Variants in ABCC9 observed in about 807,000 individuals in gnomAD.
ABCC9 encodes ATP binding cassette subfamily C member 9.
In ABCC9, 95 loss-of-function variants were observed where a neutral mutation model predicts 188.3. The ratio of observed to expected loss-of-function variants is 0.50; its 90% confidence interval spans 0.43 to 0.60. ABCC9 has a LOEUF of 0.60. ABCC9 is among the 20% of genes least tolerant of loss of function. The probability of loss-of-function intolerance (pLI) is 0.00; values close to 1 mark genes in which losing one functional copy is unlikely to be tolerated. For synonymous variants in ABCC9, 659 were observed against 652.7 expected (o/e 1.01, Z -0.15); for missense variants, 1,102 against 1,876.3 (o/e 0.59, Z 7.62).
At chr12:21,898,692 A>G (rs1163027277) in intron 12 of ABCC9, among the ~76,000 whole-genome samples, 2 of 152,208 alleles carry the variant, frequency 1.3e-5, no homozygotes, top group African/African-American at 4.8e-5. Context: ...CTGACACATA[A>G]ATCAAATCAA....
chr12:21,859,224 C>G (rs1040936347), intron 22 of ABCC9, among the ~76,000 whole-genome samples: 2 of 152,152 alleles, frequency 1.3e-5, no homozygotes, highest in Admixed American at 1.3e-4. Context: ...AGCCCTGTGT[C>G]TACCAAGAGT....
intron 4 of ABCC9, among the ~76,000 whole-genome samples, chr12:21,929,061 AAC>A (rs1350885651): frequency 6.6e-6 from 1 of 152,168 alleles, no homozygotes; most frequent in Non-Finnish European, 1.5e-5. Context: ...AACCTAATAA[AAC>A]ACAGTAATAG....
At chr12:21,871,896 G>T (rs763980790) in intron 18 of ABCC9, among the ~76,000 whole-genome samples, 1 of 152,196 alleles carries the variant, frequency 6.6e-6, no homozygotes, top group Non-Finnish European at 1.5e-5. Context: ...TGTAGCCAGT[G>T]TATCCATAAA....
intron 4 of ABCC9, among the ~76,000 whole-genome samples, chr12:21,932,164 A>G (rs904337744): frequency 3.3e-5 from 5 of 152,120 alleles, no homozygotes; most frequent in African/African-American, 9.6e-5. Flanking sequence ...TCTTGAGTTT[A>G]TTTTGTTACT....
intron 22 of ABCC9, among the ~76,000 whole-genome samples, chr12:21,857,390 G>A (rs1945279703): frequency 6.6e-6 from 1 of 152,160 alleles, no homozygotes; most frequent in East Asian, 1.9e-4. Context: ...TGCTGCAGAA[G>A]TAGAGTGCAG....
Position 21,844,859 on chromosome 12 carries a change from A to G in ABCC9, c.3153T>C (p.Leu1051=). The G allele has an allele frequency of 6.2e-7, 1 of 1,613,968 alleles. No individual in the cohort carries two copies. The change falls in exon 27 of 40, where the codon CTT becomes CTC. Residue 1051 remains leucine (L), a synonymous_variant. Transcript: ENST00000261200. The part of the protein sequence containing the change: ...ILCGAGIFLC[L]VTSLTVEWMG... Reference sequence around the variant, plus strand: ...TCCATTCTACAGTGAGGGATGTAACAAGGCAAAGGAAAATGCCTGCTCCAC... The same window carrying G: ...TCCATTCTACAGTGAGGGATGTAACGAGGCAAAGGAAAATGCCTGCTCCAC...
intron 17 of ABCC9, among the ~76,000 whole-genome samples, chr12:21,874,021 T>C (rs1237838749): frequency 6.6e-6 from 1 of 151,678 alleles, no homozygotes; most frequent in Non-Finnish European, 1.5e-5. Flanking sequence ...CACATCAAAC[T>C]AAAGAGCTTC....
At chr12:21,824,032 A>G (rs982883162) in intron 31 of ABCC9, among the ~76,000 whole-genome samples, 1 of 152,262 alleles carries the variant, frequency 6.6e-6, no homozygotes, top group Non-Finnish European at 1.5e-5. Flanking sequence ...TAGATCTTCC[A>G]TAGGGAAAAC....
At chr12:21,899,879 TG>T (rs1373897561) in intron 12 of ABCC9, among the ~76,000 whole-genome samples, 3 of 152,300 alleles carry the variant, frequency 2.0e-5, no homozygotes, top group Non-Finnish European at 4.4e-5. Context: ...ACTCCACCTC[TG>T]GGGGCAGGGC....
At chr12:21,897,672 A>C (rs1361603875) in intron 12 of ABCC9, among the ~76,000 whole-genome samples, 1 of 152,166 alleles carries the variant, frequency 6.6e-6, no homozygotes, top group Non-Finnish European at 1.5e-5. Context: ...GCTCTGTTCA[A>C]CTCACCACCA....
chr12:21,859,532 A>G, intron 22 of ABCC9, 54 bp downstream of exon 22: 1 of 1,554,762 alleles, frequency 6.4e-7, no homozygotes, highest in East Asian at 2.2e-5. Flanking sequence ...TTAAAGACTC[A>G]TTTGTCCAGA....
chr12:21,852,506 C>T lies in ABCC9; in HGVS notation c.2506-1G>A. The T allele has an allele frequency of 3.1e-6, 5 of 1,609,878 alleles. No homozygotes were observed. Among genetic ancestry groups the T allele is most frequent in the Non-Finnish European group, 4.2e-6 (5 of 1,179,920 alleles). ...TGTCCAGGGCTGAGAATGGATCATC[C>T]TGCAATCAGTAAAATGGAGGAAAGA... is the stretch of plus-strand genomic sequence containing the variant. On this transcript the variant is annotated splice_acceptor_variant, in intron 22 of 39. Transcript: ENST00000261200. LOFTEE classifies it high-confidence loss of function.
intron 7 of ABCC9, 50 bp from the exon 8 acceptor site, chr12:21,913,116 C>T (rs764841187): frequency 6.7e-7 from 1 of 1,500,752 alleles, no homozygotes; most frequent in African/African-American, 1.4e-5. Context: ...AATAAAACTG[C>T]TTAGAGCAGT....
chr12:21,909,636 T>A (rs1351236206), intron 10 of ABCC9, among the ~76,000 whole-genome samples: 1 of 151,978 alleles, frequency 6.6e-6, no homozygotes, highest in Non-Finnish European at 1.5e-5. Flanking sequence ...TGCAATATAC[T>A]AACTATTGAA....
intron 14 of ABCC9, among the ~76,000 whole-genome samples, chr12:21,889,614 C>A (rs185121230): frequency 6.6e-6 from 1 of 152,222 alleles, no homozygotes; most frequent in East Asian, 1.9e-4. Flanking sequence ...AGGAATAAAT[C>A]AATGATTCTG....
intron 39 of ABCC9, chr12:21,805,340 T>G: frequency 6.2e-7 from 1 of 1,602,726 alleles, no homozygotes; most frequent in Middle Eastern, 1.7e-4. Context: ...AAGAAGAGAA[T>G]CAGCAGAAGG....
chr12:21,902,209 A>G (rs1313446290), intron 12 of ABCC9, among the ~76,000 whole-genome samples: 1 of 152,210 alleles, frequency 6.6e-6, no homozygotes, highest in African/African-American at 2.4e-5. Context: ...TGGGTACATA[A>G]CGAAATGAAG....
chr12:21,895,157 C>A (rs2137746816), intron 13 of ABCC9, 118 bp downstream of exon 13: 2 of 854,100 alleles, frequency 2.3e-6, no homozygotes, highest in Non-Finnish European at 3.9e-6. Flanking sequence ...TGGAGACTGC[C>A]ATAGAGAGAA....
At position 21,848,219 on chromosome 12, in the gene ABCC9, C is replaced by G; in HGVS notation, c.2797G>C (p.Glu933Gln). 1.2e-6 allele frequency: 2 copies of G among 1,613,528 alleles called. No individual in the cohort carries two copies. The highest frequency in any genetic ancestry group is 1.7e-6 in the Non-Finnish European group (2 of 1,179,580). Reference sequence around the variant, plus strand: ...ATGGCCCGTCGGAGAGTTTTCCTCTCTAAAGTAGTTTGGTCAGCTTCCATA... The same window carrying G: ...ATGGCCCGTCGGAGAGTTTTCCTCTGTAAAGTAGTTTGGTCAGCTTCCATA... ...KDMEADQTTL[E>Q]RKTLRRAMYS... Residue 933 changes from glutamate (E) to glutamine (Q), a missense_variant, in exon 25 of 40, where the codon GAG (glutamate) becomes CAG (glutamine). Coordinates refer to ENST00000261200, the MANE Select transcript of ABCC9 (RefSeq NM_020297.4).
Sources: allele counts gnomAD v4.1 joint callset (sites outside exome capture counted in the v4.1 genomes callset), GRCh38; gene constraint gnomAD v4.1.1; transcripts MANE v1.5; gene names NCBI Gene and HGNC (gene_info 2026-07-23, HGNC 2026-07-21).